The following RNF13 variants were observed in gnomAD, a reference collection of about 807,000 sequenced individuals.
The protein encoded by RNF13 is ring finger protein 13, also known as E3 ubiquitin-protein ligase RNF13.
A neutral mutation model predicts 37.7 loss-of-function variants in RNF13; 19 were observed. The ratio of observed to expected loss-of-function variants is 0.50; its 90% CI spans 0.35 to 0.74. The LOEUF (loss-of-function observed/expected upper bound fraction) is 0.74. Among genes scored for constraint, RNF13 ranks in the 30% least tolerant of loss-of-function variants. The pLI, the probability that RNF13 is intolerant of heterozygous loss-of-function variation, is 0.01. For synonymous variants in RNF13, 144 were observed against 157.8 expected (o/e 0.91, Z 0.65); for missense variants, 375 against 453.0 (o/e 0.83, Z 1.56).
At chr3:149,831,086 A>T (rs1720987572) in intron 1 of RNF13, among the ~76,000 whole-genome samples, 1 of 152,356 alleles carries the variant, frequency 6.6e-6, no homozygotes, top group Non-Finnish European at 1.5e-5. Flanking sequence ...GGATGTCCAG[A>T]CAGAAGTTTG....
Position 149,895,568 on chromosome 3 carries a change from C to T in RNF13, c.409+8C>T, listed in dbSNP as rs1469161562. On this transcript the variant is annotated splice_region_variant and intron_variant, in intron 5 of 9. Coordinates refer to ENST00000392894, the MANE Select transcript of RNF13 (RefSeq NM_183381.3). ...GCATGGGATCCAACGACAGTAAGTA[C>T]AGGTATCACTTTTCTTCTCTCCTGT... 8.5e-6 allele frequency: 13 copies of T among 1,529,564 alleles called. No individual in the cohort carries two copies. The African/African-American group carries it at 1.5e-4, about 18-fold the overall frequency. 94.7% of individuals were successfully genotyped at this position (1,529,564 alleles called of 1,614,324 possible).
Position 149,939,624 on chromosome 3 carries a change from A to G in RNF13, c.700+18397A>G, listed in dbSNP as rs1444730951. 3 of 637,002 alleles carry G rather than the reference A, an allele frequency of 4.7e-6. No individual in the cohort carries two copies. The African/African-American group carries it at 5.4e-5, about 11-fold the overall frequency. The allele number at this position is 637,002 out of a possible 1,614,324, so 39.5% of individuals were successfully genotyped here. On this transcript the variant is annotated intron_variant, in intron 8 of 9. Transcript: ENST00000392894. ...AATTCATTGCCTCTGTTTCAACAAT[A>G]TGCAATTTATCCTTTGCTCCAGTCC... is the stretch of plus-strand genomic sequence containing the variant.
At chr3:149,951,939 C>G (rs1466979954) in intron 8 of RNF13, among the ~76,000 whole-genome samples, 1 of 152,140 alleles carries the variant, frequency 6.6e-6, no homozygotes, top group Non-Finnish European at 1.5e-5. Flanking sequence ...GTAAATACTA[C>G]TACCCTACTC....
intron 3 of RNF13, among the ~76,000 whole-genome samples, chr3:149,855,724 T>G (rs1723587020): frequency 6.6e-6 from 1 of 152,000 alleles, no homozygotes; most frequent in Non-Finnish European, 1.5e-5. Context: ...ATCTAAAAGT[T>G]TCATAGATAC....
chr3:149,872,026 C>A lies in RNF13; in HGVS notation c.196-3C>A. On this transcript the variant is annotated splice_region_variant and splice_polypyrimidine_tract_variant and intron_variant, in intron 3 of 9. Coordinates refer to ENST00000392894, the MANE Select transcript of RNF13 (RefSeq NM_183381.3). ...GAGATAATTTTTACCAATTCTTTTTCAGGGTTTTTTGATTAACTCAAAACC... is the reference window on the plus strand; with the variant it reads ...GAGATAATTTTTACCAATTCTTTTTAAGGGTTTTTTGATTAACTCAAAACC... 1 of 1,580,320 alleles carries A rather than the reference C, an allele frequency of 6.3e-7. No individual in the cohort carries two copies. The highest frequency in any genetic ancestry group is 8.5e-7 in the Non-Finnish European group (1 of 1,170,174).
At chr3:149,941,988 C>A (rs1052627495) in intron 8 of RNF13, among the ~76,000 whole-genome samples, 4 of 151,600 alleles carry the variant, frequency 2.6e-5, no homozygotes, top group Admixed American at 6.6e-5. Context: ...ACTGTGTCAT[C>A]TTGGCATCCT....
At chr3:149,835,667 T>TGTGTGTGTGTGTGTTTG (rs1218091872) in intron 1 of RNF13, among the ~76,000 whole-genome samples, 20 of 88,052 alleles carry the variant, frequency 2.3e-4, no homozygotes, top group African/African-American at 7.5e-4. Context: ...GTGTGTGTGT[T>TGTGTGTGTGTGTGTTTG]TGTGTGTGTG....
chr3:149,880,093 C>A (rs1713213632), intron 4 of RNF13, among the ~76,000 whole-genome samples: 2 of 152,186 alleles, frequency 1.3e-5, no homozygotes, highest in South Asian at 4.1e-4. Flanking sequence ...CGCTGAACAT[C>A]AAAATTCTTA....
chr3:149,853,443 AGAGAGAGAGAGG>A (rs1723297533), intron 3 of RNF13, among the ~76,000 whole-genome samples: 4 of 131,200 alleles, frequency 3.0e-5, no homozygotes, highest in African/African-American at 1.1e-4. Context: ...TGTGTGTGTG[AGAGAGAGAGAGG>A]GAGAGAGAGA....
chr3:149,876,936 G>A (rs750043215), intron 4 of RNF13, among the ~76,000 whole-genome samples: 9 of 151,652 alleles, frequency 5.9e-5, no homozygotes, highest in Non-Finnish European at 1.0e-4. Flanking sequence ...GTGCCACCAC[G>A]CCCCACTAAT....
At chr3:149,952,306 C>G (rs1721420927) in intron 8 of RNF13, among the ~76,000 whole-genome samples, 1 of 152,004 alleles carries the variant, frequency 6.6e-6, no homozygotes, top group African/African-American at 2.4e-5. Flanking sequence ...ACCTTTGCCA[C>G]TCAGAGCCGC....
intron 6 of RNF13, among the ~76,000 whole-genome samples, chr3:149,903,939 C>A (rs1716121532): frequency 7.8e-6 from 1 of 128,672 alleles, no homozygotes; most frequent in African/African-American, 2.9e-5. Flanking sequence ...ATCTGTCTAT[C>A]TGTCTGTCTG....
intron 2 of RNF13, 102 bp downstream of exon 2, chr3:149,846,242 T>A: frequency 2.8e-6 from 2 of 715,408 alleles, no homozygotes; most frequent in East Asian, 2.6e-5. Flanking sequence ...AAGACATTTT[T>A]ATCTAAAAAC....
intron 8 of RNF13, among the ~76,000 whole-genome samples, chr3:149,950,554 A>C (rs1042712580): frequency 6.6e-6 from 1 of 152,128 alleles, no homozygotes; most frequent in East Asian, 1.9e-4. Context: ...GACTCACTGC[A>C]GCCTCTACCT....
At chr3:149,907,293 A>C (rs1480097263) in intron 6 of RNF13, among the ~76,000 whole-genome samples, 1 of 152,236 alleles carries the variant, frequency 6.6e-6, no homozygotes, top group Non-Finnish European at 1.5e-5. Flanking sequence ...GTTAAATAGT[A>C]GTAGAGATAG....
rs184592058 is a variant in RNF13 at position 149,941,059 on chromosome 3, A to G, written c.701-18997A>G. 1.6e-3 allele frequency among the ~76,000 whole-genome samples: 241 copies of G among 152,264 alleles called. 1 individual carries two copies. Among genetic ancestry groups the G allele is most frequent in the Admixed American group, 2.7e-3 (42 of 15,292 alleles). On this transcript the variant is annotated intron_variant, in intron 8 of 9. Coordinates refer to ENST00000392894, the MANE Select transcript of RNF13 (RefSeq NM_183381.3). ...ATTTTTAAAGATTTCATAATACTAC[A>G]TTTTATGTATATACCATTTTCCTTT...
intron 6 of RNF13, among the ~76,000 whole-genome samples, chr3:149,904,259 A>C (rs528267417): frequency 1.1e-4 from 17 of 152,318 alleles, no homozygotes; most frequent in African/African-American, 3.8e-4. Flanking sequence ...TTCTAAATGT[A>C]AAGTATGTAC....
intron 2 of RNF13, among the ~76,000 whole-genome samples, 165 bp downstream of exon 2, chr3:149,846,305 GTTTA>G (rs1364554597): frequency 6.6e-6 from 1 of 152,014 alleles, no homozygotes; most frequent in African/African-American, 2.4e-5. Context: ...TTATTCATTT[GTTTA>G]TTTATTTTTT....
At chr3:149,834,005 A>G (rs1721334243) in intron 1 of RNF13, among the ~76,000 whole-genome samples, 1 of 152,228 alleles carries the variant, frequency 6.6e-6, no homozygotes, top group African/African-American at 2.4e-5. Flanking sequence ...GAAATTAAGA[A>G]AACAATTCCA....
Sources: gnomAD v4.1 joint callset for allele counts (sites outside exome capture counted in the v4.1 genomes callset) on GRCh38, gnomAD v4.1.1 for gene constraint, MANE v1.5 for transcripts, NCBI Gene and HGNC (gene_info 2026-07-23, HGNC 2026-07-21) for gene names.